SETBP1: variants seen among roughly 807,000 people sequenced by gnomAD.
SETBP1 encodes the protein SET binding protein 1.
Under a neutral mutation model 101.0 loss-of-function variants are expected in SETBP1, and 9 were observed. The observed-to-expected ratio is 0.09, with a 90% CI of 0.05 to 0.16. The LOEUF is 0.16. Among genes scored for constraint, SETBP1 ranks in the 10% least tolerant of loss-of-function variants. The probability of loss-of-function intolerance (pLI) is 1.00; values close to 1 mark genes in which losing one functional copy is unlikely to be tolerated. For synonymous variants in SETBP1, 818 were observed against 788.5 expected (o/e 1.04, Z -0.63); for missense variants, 1,858 against 2,033.8 (o/e 0.91, Z 1.66).
chr18:44,986,541 T>C (rs1429128975), intron 4 of SETBP1: 1 of 152,230 alleles, frequency 6.6e-6, no homozygotes, highest in Non-Finnish European at 1.5e-5. Context: ...ACTTTTGTAA[T>C]ACTTATATTA....
At chr18:44,893,597 A>C (rs997400296) in intron 3 of SETBP1, among the ~76,000 whole-genome samples, 1 of 152,168 alleles carries the variant, frequency 6.6e-6, no homozygotes, top group Non-Finnish European at 1.5e-5. Context: ...AAGTGGTAAC[A>C]AGTCTTTCAT....
intron 2 of SETBP1, among the ~76,000 whole-genome samples, chr18:44,840,383 C>T (rs1599203798): frequency 6.6e-6 from 1 of 152,316 alleles, no homozygotes; most frequent in Admixed American, 6.5e-5. Context: ...TGCTTAGTGG[C>T]ATAGCACACC....
intron 3 of SETBP1, among the ~76,000 whole-genome samples, chr18:44,912,891 G>A (rs998901610): frequency 6.6e-6 from 1 of 152,108 alleles, no homozygotes; most frequent in Admixed American, 6.5e-5. Context: ...GGATGCAGTG[G>A]GGACAGGTGG....
chr18:44,934,633 G>A (rs1456444811), intron 3 of SETBP1, among the ~76,000 whole-genome samples: 2 of 152,186 alleles, frequency 1.3e-5, no homozygotes, highest in Non-Finnish European at 1.5e-5. Context: ...TGGTCAAAGT[G>A]CTTTACATAG....
chr18:44,694,501 C>T lies in SETBP1; in HGVS notation c.-172-6674C>T, dbSNP rs532884804. Among the ~76,000 whole-genome samples the T allele has an allele frequency of 3.3e-5, 5 of 152,300 alleles. No homozygotes were observed. The South Asian group carries it at 6.2e-4, about 19-fold the overall frequency. On this transcript the variant is annotated intron_variant, in intron 1 of 5. Coordinates refer to ENST00000649279, the MANE Select transcript of SETBP1 (RefSeq NM_015559.3). ...TGCTGGGATTACAGACATGCGCCACCGCACTCCATGGCTGCATTTTAAGCT... is the reference window on the plus strand; with the variant it reads ...TGCTGGGATTACAGACATGCGCCACTGCACTCCATGGCTGCATTTTAAGCT...
chr18:44,860,473 G>A (rs759269132), intron 2 of SETBP1, among the ~76,000 whole-genome samples: 7 of 152,172 alleles, frequency 4.6e-5, no homozygotes, highest in Admixed American at 2.0e-4. Flanking sequence ...TTGGCCAGGC[G>A]CAGTGGCTCA....
rs112685072 is a variant in SETBP1 at position 45,044,563 on chromosome 18, T to C, written c.4171+5908T>C. Reference sequence around the variant, plus strand: ...CTCTTAAAGGAGAAATAAGCTCTTTTCTGATTTAATCTGAACCTCCTAGAG... The same window carrying C: ...CTCTTAAAGGAGAAATAAGCTCTTTCCTGATTTAATCTGAACCTCCTAGAG... On this transcript the variant is annotated intron_variant, in intron 5 of 5. Transcript: ENST00000649279. Among the ~76,000 whole-genome samples the C allele has an allele frequency of 6.4e-3, 969 of 152,258 alleles. 10 individuals are homozygous for C. The highest frequency in any genetic ancestry group is 0.021 in the African/African-American group (887 of 41,534).
Position 44,772,540 on chromosome 18 carries a change from A to G in SETBP1, c.486+70708A>G, listed in dbSNP as rs373776116. On this transcript the variant is annotated intron_variant, in intron 2 of 5. Coordinates refer to ENST00000649279, the MANE Select transcript of SETBP1 (RefSeq NM_015559.3). ...TGAGGCTTCTTCAGATCCTGGGGGT[A>G]TTTTCATAAGAGCGTAACCCCAGGG... is the stretch of plus-strand genomic sequence containing the variant. 1.1e-3 allele frequency among the ~76,000 whole-genome samples: 164 copies of G among 152,160 alleles called. 1 individual carries two copies. Among genetic ancestry groups the G allele is most frequent in the African/African-American group, 3.9e-3 (160 of 41,506 alleles).
rs1037280105 is a variant in SETBP1 at position 45,063,526 on chromosome 18, C to T, written c.4619C>T (p.Pro1540Leu). The change falls in exon 6 of 6, where the codon CCG becomes CTG. Residue 1540 changes from proline (P) to leucine (L), a missense_variant. By Grantham distance (98) the Pro-to-Leu change is moderately conservative. Coordinates refer to ENST00000649279, the MANE Select transcript of SETBP1 (RefSeq NM_015559.3). ...CCACCGCCGCCACCACCCCTGCCCCCGCCACCCCCTCTACCCAAGACCCCC... is the reference window on the plus strand; with the variant it reads ...CCACCGCCGCCACCACCCCTGCCCCTGCCACCCCCTCTACCCAAGACCCCC... The part of the protein sequence containing the change: ...LPPPPPPPLP[P>L]PPPLPKTPRG... 49 of 1,378,026 alleles carry T rather than the reference C, an allele frequency of 3.6e-5. No individual in the cohort carries two copies. Among genetic ancestry groups the T allele is most frequent in the Non-Finnish European group, 4.4e-5 (46 of 1,054,028 alleles). 85.4% of individuals were successfully genotyped at this position (1,378,026 alleles called of 1,614,324 possible).
intron 4 of SETBP1, chr18:44,987,896 A>C (rs1487099152): frequency 1.3e-5 from 2 of 152,194 alleles, no homozygotes; most frequent in East Asian, 3.9e-4. Flanking sequence ...ACATATATAG[A>C]TACAGCTATA....
intron 3 of SETBP1, among the ~76,000 whole-genome samples, chr18:44,929,298 C>T (rs1282051414): frequency 1.3e-5 from 2 of 152,162 alleles, no homozygotes; most frequent in Admixed American, 6.5e-5. Context: ...GTCTATATCT[C>T]TGTTTTGGTA....
At chr18:44,828,511 T>A (rs554091654) in intron 2 of SETBP1, among the ~76,000 whole-genome samples, 1 of 152,386 alleles carries the variant, frequency 6.6e-6, no homozygotes, top group African/African-American at 2.4e-5. Context: ...CAATCTGTTT[T>A]AAATTATTTT....
chr18:44,811,108 C>G (rs1336314406), intron 2 of SETBP1, among the ~76,000 whole-genome samples: 3 of 152,222 alleles, frequency 2.0e-5, no homozygotes, highest in African/African-American at 7.2e-5. Flanking sequence ...AATTCTATTG[C>G]TTATTCTCCT....
intron 3 of SETBP1, among the ~76,000 whole-genome samples, chr18:44,912,447 A>G (rs1253926859): frequency 6.6e-6 from 1 of 152,072 alleles, no homozygotes; most frequent in Non-Finnish European, 1.5e-5. Flanking sequence ...ATGCTCACTG[A>G]GCACACCTGT....
In SETBP1 at chr18:45,063,733, A is replaced by C. The variant is rs2073930881; in HGVS notation, c.*35A>C. ...GGGCGTCTGCACCTGGGGCCTAGGG[A>C]ACTGACACGTGGGAAGCGCAGTGAG... On this transcript the variant is annotated 3_prime_UTR_variant, in exon 6 of 6. Coordinates refer to ENST00000649279, the MANE Select transcript of SETBP1 (RefSeq NM_015559.3). The C allele has an allele frequency of 6.3e-7, 1 of 1,588,696 alleles. No individual in the cohort carries two copies. The highest frequency in any genetic ancestry group is 8.6e-7 in the Non-Finnish European group (1 of 1,167,900).
chr18:44,857,354 T>C (rs925488660), intron 2 of SETBP1, among the ~76,000 whole-genome samples: 1 of 152,164 alleles, frequency 6.6e-6, no homozygotes, highest in African/African-American at 2.4e-5. Flanking sequence ...TGATAATGCC[T>C]TGGGTGAGTG....
At chr18:44,846,512 G>A (rs994219491) in intron 2 of SETBP1, among the ~76,000 whole-genome samples, 1 of 152,178 alleles carries the variant, frequency 6.6e-6, no homozygotes, top group Admixed American at 6.5e-5. Flanking sequence ...GTCATATACA[G>A]CATGTGCCCA....
At chr18:44,921,241 C>T (rs564813802) in intron 3 of SETBP1, among the ~76,000 whole-genome samples, 2 of 152,342 alleles carry the variant, frequency 1.3e-5, no homozygotes, top group East Asian at 3.9e-4. Context: ...GATGCTTAAA[C>T]TCCCAGACCA....
chr18:44,720,379 G>A (rs535727962), intron 2 of SETBP1, among the ~76,000 whole-genome samples: 209 of 152,214 alleles, frequency 1.4e-3, no homozygotes, highest in African/African-American at 4.6e-3. Context: ...CGAATCAACA[G>A]TATAGTTTTC....
Sources: allele counts gnomAD v4.1 joint callset (sites outside exome capture counted in the v4.1 genomes callset), GRCh38; gene constraint gnomAD v4.1.1; transcripts MANE v1.5; gene names NCBI Gene and HGNC (gene_info 2026-07-23, HGNC 2026-07-21).